KCNC1: variants seen among roughly 807,000 people sequenced by gnomAD.
KCNC1 encodes the protein voltage-gated potassium channel KCNC1.
KCNC1 carries 8 observed loss-of-function variants against 43.4 expected under a neutral mutation model. The ratio of observed to expected loss-of-function variants is 0.18; its 90% confidence interval spans 0.11 to 0.33. The LOEUF is 0.33. Ranked by LOEUF, KCNC1 falls within the 10% of genes least tolerant of loss-of-function variation. The probability of loss-of-function intolerance (pLI) is 1.00; values close to 1 mark genes in which losing one functional copy is unlikely to be tolerated. For synonymous variants in KCNC1, 361 were observed against 360.5 expected (o/e 1.00, Z -0.01); for missense variants, 420 against 836.0 (o/e 0.50, Z 6.14).
In KCNC1 at chr11:17,736,616, G is replaced by T; in HGVS notation, c.570+44G>T. 1 of 1,452,054 alleles carries T rather than the reference G, an allele frequency of 6.9e-7. No homozygotes were observed. The highest frequency in any genetic ancestry group is 2.5e-5 in the East Asian group (1 of 40,178). The allele number at this position is 1,452,054 out of a possible 1,614,324, so 89.9% of individuals were successfully genotyped here. On this transcript the variant is annotated intron_variant, in intron 1 of 3. Transcript: ENST00000265969. The surrounding 1 kb of genome is among the most constrained non-coding windows in gnomAD (Gnocchi z 9.3). Reference sequence around the variant, plus strand: ...ATCAGAAGAGCGGGGCGGGAAGGCAGCGTCCTGTGCCTCCCCGCGGGCAGG... The same window carrying T: ...ATCAGAAGAGCGGGGCGGGAAGGCATCGTCCTGTGCCTCCCCGCGGGCAGG...
intron 1 of KCNC1, among the ~76,000 whole-genome samples, chr11:17,751,803 T>TCAA (rs1321342674): frequency 6.6e-6 from 1 of 151,974 alleles, no homozygotes; most frequent in East Asian, 1.9e-4. Flanking sequence ...AGTCAGTGAG[T>TCAA]GGGGGATTGC....
intron 2 of KCNC1, chr11:17,775,895 G>T (rs1849280659): frequency 1.0e-6 from 1 of 985,332 alleles, no homozygotes; most frequent in East Asian, 1.1e-4. Context: ...GTTATCTTTG[G>T]CAAAGGGGTC....
intron 1 of KCNC1, among the ~76,000 whole-genome samples, chr11:17,761,489 TTCTTCCACACCCCTCAATGTTG>T (rs1031797185): frequency 6.6e-6 from 1 of 152,238 alleles, no homozygotes; most frequent in Non-Finnish European, 1.5e-5. Flanking sequence ...ACCTGGCCTT[TTCTTCCACACCCCTCAATGTTG>T]TCTTACTTCC....
chr11:17,756,950 A>T (rs527948244), intron 1 of KCNC1, among the ~76,000 whole-genome samples: 8 of 152,320 alleles, frequency 5.3e-5, no homozygotes, highest in African/African-American at 1.4e-4. Context: ...AAGCCCACCT[A>T]ACACTTTCCA....
chr11:17,758,517 C>A (rs1171843763), intron 1 of KCNC1, among the ~76,000 whole-genome samples: 1 of 152,208 alleles, frequency 6.6e-6, no homozygotes, highest in African/African-American at 2.4e-5. Flanking sequence ...TCAGAGGAAT[C>A]AGTATCTATG....
At position 17,736,456 on chromosome 11, in the gene KCNC1, A is replaced by G. The variant is rs1848767347; in HGVS notation, c.454A>G (p.Thr152Ala). The G allele has an allele frequency of 1.9e-6, 3 of 1,603,356 alleles. No homozygotes were observed. The South Asian group carries it at 3.3e-5, about 18-fold the overall frequency. ...SGDGEDELEM[T>A]KRLALSDSPD... ...CGACGGCGAGGACGAGCTGGAGATG[A>G]CCAAGCGCCTGGCGCTCAGTGACTC... Residue 152 changes from threonine to alanine, a missense_variant, in exon 1 of 4, where the codon ACC becomes GCC. By Grantham distance (58) the Thr-to-Ala change is moderately conservative. This residue lies in a region of KCNC1 where 151 missense variants were observed against 216.7 expected (regional missense o/e 0.70). Coordinates refer to ENST00000265969, the MANE Select transcript of KCNC1 (RefSeq NM_001112741.2). This position sits in a 1 kb window ranked among gnomAD's most constrained non-coding sequence, Gnocchi z 9.3.
chr11:17,782,228 A>ATTGC lies in KCNC1; in HGVS notation c.*497_*500dup, dbSNP rs1849353663. ...GAGGAGGGACAGAGATGGGGAATGG[A>ATTGC]TTGCTTCCTTTTTGTACACAAGATC... is the stretch of plus-strand genomic sequence containing the variant. On this transcript the variant is annotated 3_prime_UTR_variant, in exon 4 of 4. Transcript: ENST00000265969. 6.5e-6 allele frequency: 1 copy of ATTGC among 153,100 alleles called. No individual in the cohort carries two copies. Among genetic ancestry groups the ATTGC allele is most frequent in the African/African-American group, 2.4e-5 (1 of 41,442 alleles). The allele number at this position is 153,100 out of a possible 1,614,324, so 9.5% of individuals were successfully genotyped here.
rs1190595324 is a variant in KCNC1 at position 17,775,531 on chromosome 11, G to A, written c.1504+2933G>A. The A allele has an allele frequency of 8.1e-6, 8 of 985,372 alleles. No individual in the cohort carries two copies. The East Asian group carries it at 4.5e-4, about 56-fold the overall frequency. 61.0% of individuals were successfully genotyped at this position (985,372 alleles called of 1,614,324 possible). A position where few individuals can be genotyped will look rare whatever the true frequency, so the allele number is the denominator to read the frequency against. On this transcript the variant is annotated intron_variant, in intron 2 of 3. Transcript: ENST00000265969. ...TAGGAGGGCGCCCTGGCACAGCCAG[G>A]GATTGCCTAGGGCTGAGGGGCCCAG...
chr11:17,778,205 A>G (rs559627753), intron 2 of KCNC1, among the ~76,000 whole-genome samples: 1 of 152,328 alleles, frequency 6.6e-6, no homozygotes, highest in East Asian at 1.9e-4. Flanking sequence ...GGCAAAGGCC[A>G]GTCAGGGCTA....
At chr11:17,748,370 C>T (rs1848926149) in intron 1 of KCNC1, among the ~76,000 whole-genome samples, 1 of 152,036 alleles carries the variant, frequency 6.6e-6, no homozygotes, top group Non-Finnish European at 1.5e-5. Flanking sequence ...AGTCAAAGGA[C>T]AGTGGTATAT....
rs1204413535 is a variant in KCNC1, at chr11:17,772,221, C to A, written c.1127C>A (p.Pro376His). The A allele has an allele frequency of 6.2e-7, 1 of 1,614,130 alleles. No individual in the cohort carries two copies. Among genetic ancestry groups the A allele is most frequent in the Admixed American group, 1.7e-5 (1 of 60,032 alleles). ...AERIGAQPND[P>H]SASEHTHFKN... Reference sequence around the variant, plus strand: ...AGGATAGGGGCACAGCCCAATGACCCCAGCGCCAGTGAGCACACGCACTTT... The same window carrying A: ...AGGATAGGGGCACAGCCCAATGACCACAGCGCCAGTGAGCACACGCACTTT... The change falls in exon 2 of 4, where the codon CCC (proline) becomes CAC (histidine). Residue 376 changes from proline to histidine, a missense_variant. Transcript: ENST00000265969.
chr11:17,755,091 G>A (rs1849009618), intron 1 of KCNC1, among the ~76,000 whole-genome samples: 1 of 152,168 alleles, frequency 6.6e-6, no homozygotes, highest in African/African-American at 2.4e-5. Flanking sequence ...GGTGCCATGA[G>A]GCAGTGAAGG....
rs964302651 is a variant in KCNC1, at chr11:17,771,417, T to C, written c.571-248T>C. ...CTTCCCTCTGTAGTTATACTAGTTA[T>C]TGGGGCTTCCACATCTAGCTGGCAA... On this transcript the variant is annotated intron_variant, in intron 1 of 3. Coordinates refer to ENST00000265969, the MANE Select transcript of KCNC1 (RefSeq NM_001112741.2). This position sits in a 1 kb window ranked among gnomAD's most constrained non-coding sequence, Gnocchi z 4.7. Among the ~76,000 whole-genome samples the C allele has an allele frequency of 3.3e-5, 5 of 152,238 alleles. No homozygotes were observed. Among genetic ancestry groups the C allele is most frequent in the Non-Finnish European group, 5.9e-5 (4 of 68,044 alleles).
Position 17,781,205 on chromosome 11 carries a change from C to A in KCNC1, c.1694-465C>A, listed in dbSNP as rs1314253845. 1 of 154,560 alleles carries A rather than the reference C, an allele frequency of 6.5e-6. No homozygotes were observed. Among genetic ancestry groups the A allele is most frequent in the East Asian group, 1.9e-4 (1 of 5,292 alleles). 9.6% of individuals were successfully genotyped at this position (154,560 alleles called of 1,614,324 possible). A position where few individuals can be genotyped will look rare whatever the true frequency, so the allele number is the denominator to read the frequency against. On this transcript the variant is annotated intron_variant, in intron 3 of 3. Coordinates refer to ENST00000265969, the MANE Select transcript of KCNC1 (RefSeq NM_001112741.2). This position sits in a 1 kb window ranked among gnomAD's most constrained non-coding sequence, Gnocchi z 5.1. ...CAGAAGCACAGAAGGGAGTGTGGGACAGGAACAGCGCTGCTCCCTGCAGTG... is the reference window on the plus strand; with the variant it reads ...CAGAAGCACAGAAGGGAGTGTGGGAAAGGAACAGCGCTGCTCCCTGCAGTG...
Position 17,736,569 on chromosome 11 carries a change from G to A in KCNC1, c.567G>A (p.Ala189=). The part of the protein sequence containing the change: ...LFEDPYSSRY[A]RYVAFASLFF... Reference sequence around the variant, plus strand: ...AGGACCCGTACTCGTCCCGCTACGCGCGGGTAAGTGACAATTTACCCATCA... The same window carrying A: ...AGGACCCGTACTCGTCCCGCTACGCACGGGTAAGTGACAATTTACCCATCA... Residue 189 remains alanine, a synonymous_variant, in exon 1 of 4, where the codon GCG becomes GCA. Transcript: ENST00000265969. This position sits in a 1 kb window ranked among gnomAD's most constrained non-coding sequence, Gnocchi z 9.3. 1 of 1,528,384 alleles carries A rather than the reference G, an allele frequency of 6.5e-7. No homozygotes were observed. Among genetic ancestry groups the A allele is most frequent in the Non-Finnish European group, 8.7e-7 (1 of 1,148,208 alleles). The allele number at this position is 1,528,384 out of a possible 1,614,324, so 94.7% of individuals were successfully genotyped here.
chr11:17,763,811 C>A (rs1849110700), intron 1 of KCNC1, among the ~76,000 whole-genome samples: 1 of 146,562 alleles, frequency 6.8e-6, no homozygotes, highest in African/African-American at 2.5e-5. Context: ...ACACAGACCC[C>A]CACACACCAC....
rs193026565 is a variant in KCNC1, at chr11:17,766,688, G to A, written c.571-4977G>A. ...TGGCTCCAGCATTTGGATCCAGGTA[G>A]CCTTGCTCTATCACTGGGGATAGGC... On this transcript the variant is annotated intron_variant, in intron 1 of 3. Coordinates refer to ENST00000265969, the MANE Select transcript of KCNC1 (RefSeq NM_001112741.2). Among the ~76,000 whole-genome samples, 707 of 152,288 alleles carry A rather than the reference G, an allele frequency of 4.6e-3. 5 individuals carry two copies. Among genetic ancestry groups the A allele is most frequent in the Middle Eastern group, 0.02 (6 of 294 alleles).
At chr11:17,764,035 CCA>C (rs1189328575) in intron 1 of KCNC1, among the ~76,000 whole-genome samples, 5 of 136,806 alleles carry the variant, frequency 3.7e-5, no homozygotes, top group African/African-American at 5.5e-5. Context: ...ATATACACGC[CCA>C]CACACACACA....
chr11:17,778,302 A>C (rs928127345), intron 2 of KCNC1, among the ~76,000 whole-genome samples: 3 of 151,800 alleles, frequency 2.0e-5, no homozygotes, highest in African/African-American at 7.3e-5. Context: ...TTTGCCCCCC[A>C]CCAAATGTGC....
Sources: allele counts gnomAD v4.1 joint callset (sites outside exome capture counted in the v4.1 genomes callset), GRCh38; gene constraint gnomAD v4.1.1; regional missense constraint gnomAD v4.1.1; non-coding constraint Gnocchi (gnomAD v3.1); transcripts MANE v1.5; gene names NCBI Gene and HGNC (gene_info 2026-07-23, HGNC 2026-07-21).